DOK6: variants seen among roughly 807,000 people sequenced by gnomAD.
DOK6 encodes docking protein 6, also known as downstream of tyrosine kinase 6.
DOK6 carries 22 observed loss-of-function variants against 44.0 expected under a neutral mutation model. The observed-to-expected ratio is 0.50, with a 90% CI of 0.36 to 0.71. The LOEUF (loss-of-function observed/expected upper bound fraction) is 0.71, where lower values mean the gene tolerates loss of function less well. Ranked by LOEUF, DOK6 falls within the 30% of genes least tolerant of loss-of-function variation. The pLI is 0.00. For missense variants in DOK6, 340 were observed against 416.4 expected (o/e 0.82, Z 1.60); for synonymous variants, 166 against 145.5 (o/e 1.14, Z -1.01).
At chr18:69,593,103 G>A (rs1351866135) in intron 2 of DOK6, among the ~76,000 whole-genome samples, 2 of 152,068 alleles carry the variant, frequency 1.3e-5, no homozygotes, top group Non-Finnish European at 2.9e-5. Context: ...TGGATTTCAT[G>A]CTTGTAATCC....
intron 1 of DOK6, among the ~76,000 whole-genome samples, chr18:69,477,366 TTCA>T (rs144780152): frequency 4.3e-3 from 662 of 152,264 alleles, no homozygotes; most frequent in Non-Finnish European, 6.3e-3. Flanking sequence ...GTCCTTAACT[TTCA>T]TCAAGATCAA....
chr18:69,642,161 G>C (rs1448045059), intron 3 of DOK6, among the ~76,000 whole-genome samples: 2 of 151,944 alleles, frequency 1.3e-5, no homozygotes, highest in African/African-American at 2.4e-5. Context: ...AAAGTGAGTC[G>C]CAGACATGAT....
chr18:69,696,893 A>C (rs1986401160), intron 4 of DOK6, among the ~76,000 whole-genome samples: 1 of 152,236 alleles, frequency 6.6e-6, no homozygotes, highest in Non-Finnish European at 1.5e-5. Context: ...TTCACTGCAG[A>C]TAATTAATGA....
intron 1 of DOK6, among the ~76,000 whole-genome samples, chr18:69,512,568 T>G (rs1226402311): frequency 1.3e-5 from 2 of 152,072 alleles, no homozygotes; most frequent in Admixed American, 1.3e-4. Context: ...GGTCTTGAAC[T>G]CCTAACCTCA....
chr18:69,522,822 A>G (rs886832590), intron 1 of DOK6, among the ~76,000 whole-genome samples: 1 of 152,056 alleles, frequency 6.6e-6, no homozygotes, highest in Non-Finnish European at 1.5e-5. Flanking sequence ...GCTATTCAAA[A>G]CCCAACAAAT....
chr18:69,554,828 T>C (rs1027247844), intron 1 of DOK6, among the ~76,000 whole-genome samples: 1 of 152,192 alleles, frequency 6.6e-6, no homozygotes, highest in African/African-American at 2.4e-5. Flanking sequence ...TCCATTTTGT[T>C]GCAAATGAAT....
At chr18:69,689,472 A>C (rs953100274) in intron 4 of DOK6, among the ~76,000 whole-genome samples, 1 of 152,244 alleles carries the variant, frequency 6.6e-6, no homozygotes, top group Non-Finnish European at 1.5e-5. Context: ...GAATTCTCAC[A>C]ATCAGGAAAA....
chr18:69,642,475 T>A (rs1007289775), intron 3 of DOK6, among the ~76,000 whole-genome samples: 2 of 152,184 alleles, frequency 1.3e-5, no homozygotes, highest in East Asian at 3.8e-4. Flanking sequence ...CAACATAATA[T>A]AATGAGACTT....
chr18:69,673,903 T>G (rs1399765672), intron 3 of DOK6, among the ~76,000 whole-genome samples: 1 of 152,234 alleles, frequency 6.6e-6, no homozygotes, highest in African/African-American at 2.4e-5. Context: ...TGAAATTTAA[T>G]TATTTACACA....
chr18:69,803,808 A>G (rs529222169), intron 7 of DOK6, among the ~76,000 whole-genome samples: 5 of 152,218 alleles, frequency 3.3e-5, no homozygotes, highest in Admixed American at 2.0e-4. Context: ...GCAGTGAGCC[A>G]AGATCACACC....
intron 1 of DOK6, among the ~76,000 whole-genome samples, chr18:69,533,637 C>T (rs1373579424): frequency 7.0e-6 from 1 of 142,320 alleles, no homozygotes; most frequent in Non-Finnish European, 1.5e-5. Context: ...CAATAGAAAA[C>T]TTATGTACTT....
chr18:69,733,003 A>G (rs1645666129), intron 5 of DOK6, among the ~76,000 whole-genome samples: 1 of 152,160 alleles, frequency 6.6e-6, no homozygotes, highest in African/African-American at 2.4e-5. Context: ...TCATGGCAGA[A>G]GGGGAAGTAA....
chr18:69,833,158 A>G (rs1981950145), intron 7 of DOK6, among the ~76,000 whole-genome samples: 1 of 152,198 alleles, frequency 6.6e-6, no homozygotes, highest in Non-Finnish European at 1.5e-5. Flanking sequence ...ATCCCAATTC[A>G]AATTAAACTA....
intron 7 of DOK6, among the ~76,000 whole-genome samples, chr18:69,819,530 A>G (rs1257498277): frequency 6.6e-5 from 10 of 152,154 alleles, no homozygotes; most frequent in African/African-American, 2.4e-4. Flanking sequence ...TGGTAAGAAC[A>G]CTTAACATGA....
At chr18:69,778,838 A>G (rs1980163095) in intron 7 of DOK6, among the ~76,000 whole-genome samples, 1 of 152,176 alleles carries the variant, frequency 6.6e-6, no homozygotes, top group African/African-American at 2.4e-5. Context: ...TTCTGAAAAT[A>G]TAGCATAGTA....
chr18:69,608,588 G>C (rs1380867714), intron 3 of DOK6, among the ~76,000 whole-genome samples: 1 of 152,044 alleles, frequency 6.6e-6, no homozygotes, highest in East Asian at 1.9e-4. Context: ...GGATTGTTTT[G>C]GGTAGGATGA....
chr18:69,581,797 G>A (rs1983375939), intron 2 of DOK6, among the ~76,000 whole-genome samples: 1 of 152,170 alleles, frequency 6.6e-6, no homozygotes, highest in Non-Finnish European at 1.5e-5. Flanking sequence ...CCTGATAGAA[G>A]CTATCAATAG....
chr18:69,515,211 CT>C (rs1469481950), intron 1 of DOK6, among the ~76,000 whole-genome samples: 1 of 152,118 alleles, frequency 6.6e-6, no homozygotes, highest in East Asian at 1.9e-4. Context: ...TCCTAGGCTT[CT>C]TTTAGACCAC....
chr18:69,591,023 A>G (rs1260913675), intron 2 of DOK6, among the ~76,000 whole-genome samples: 1 of 152,196 alleles, frequency 6.6e-6, no homozygotes, highest in Non-Finnish European at 1.5e-5. Context: ...CATTTGCAAC[A>G]GTAATTAAAA....
Sources: allele counts gnomAD v4.1 joint callset (sites outside exome capture counted in the v4.1 genomes callset), GRCh38; gene constraint gnomAD v4.1.1; transcripts MANE v1.5; gene names NCBI Gene and HGNC (gene_info 2026-07-23, HGNC 2026-07-21).